Variants in EDEM2 observed in about 807,000 individuals in gnomAD.
EDEM2 encodes ER degradation-enhancing alpha-mannosidase-like protein 2.
EDEM2 carries 39 observed loss-of-function variants against 64.8 expected under a neutral mutation model. The ratio of observed to expected loss-of-function variants is 0.60; its 90% CI spans 0.47 to 0.79. EDEM2 has a LOEUF of 0.79. EDEM2 is among the 30% of genes least tolerant of loss of function. EDEM2 has a pLI of 0.00. For missense variants in EDEM2, 609 were observed against 731.3 expected (o/e 0.83, Z 1.93); for synonymous variants, 296 against 291.5 (o/e 1.02, Z -0.16).
At position 35,115,768 on chromosome 20, in the gene EDEM2, C is replaced by T. The variant is rs776054379; in HGVS notation, c.1402G>A (p.Ala468Thr). 6.2e-7 allele frequency: 1 copy of T among 1,614,202 alleles called. No homozygotes were observed. The highest frequency in any genetic ancestry group is 8.5e-7 in the Non-Finnish European group (1 of 1,180,028). ...ITPYGECILG[A>T]GGYIFNTEAH... ...TCTGTGTTGAAGATGTACCCCCCAGCCCCCAGGATGCACTCCCCATAGGGG... is the reference window on the plus strand; with the variant it reads ...TCTGTGTTGAAGATGTACCCCCCAGTCCCCAGGATGCACTCCCCATAGGGG... Residue 468 changes from alanine (A) to threonine (T), a missense_variant, in exon 11 of 11, where the codon GCT becomes ACT. Coordinates refer to ENST00000374492, the MANE Select transcript of EDEM2 (RefSeq NM_018217.3).
intron 5 of EDEM2, among the ~76,000 whole-genome samples, chr20:35,137,248 T>C (rs1161303041): frequency 2.0e-5 from 3 of 152,000 alleles, no homozygotes; most frequent in South Asian, 4.2e-4. Context: ...CGAAACTTCA[T>C]CTCTACTAAA....
At chr20:35,128,196 C>G (rs1247325280) in intron 7 of EDEM2, among the ~76,000 whole-genome samples, 4 of 151,942 alleles carry the variant, frequency 2.6e-5, no homozygotes, top group Non-Finnish European at 5.9e-5. Context: ...TCCTGCCTAA[C>G]ACGGTGAAAC....
intron 7 of EDEM2, among the ~76,000 whole-genome samples, chr20:35,128,239 T>C (rs995774779): frequency 1.3e-5 from 2 of 151,582 alleles, no homozygotes; most frequent in Non-Finnish European, 1.5e-5. Context: ...AAAAATTAGC[T>C]GGGTGTGGTG....
Position 35,137,961 on chromosome 20 carries a change from C to T in EDEM2, c.409G>A (p.Gly137Arg). Residue 137 changes from glycine (G) to arginine (R), a missense_variant, in exon 5 of 11, where the codon GGG becomes AGG. Physicochemically the swap from Gly to Arg is moderately radical, Grantham distance 125. Coordinates refer to ENST00000374492, the MANE Select transcript of EDEM2 (RefSeq NM_018217.3). ...GGCCATCCAGCCTCTACTTCCACCC[C>T]AGCCTTCTTGGAGAGCAGATGAGCA... ...LSAHLLSKKA[G>R]VEVEAGWPCS... 1 of 1,614,228 alleles carries T rather than the reference C, an allele frequency of 6.2e-7. No homozygotes were observed. Among genetic ancestry groups the T allele is most frequent in the East Asian group, 2.2e-5 (1 of 44,880 alleles).
chr20:35,118,795 G>C, intron 9 of EDEM2, 76 bp from the exon 10 acceptor site: 1 of 1,580,700 alleles, frequency 6.3e-7, no homozygotes, highest in Non-Finnish European at 8.6e-7. Context: ...GGCCGTGAGG[G>C]ACTACTCCCC....
At chr20:35,133,129 C>A (rs1344458518) in intron 6 of EDEM2, among the ~76,000 whole-genome samples, 1 of 151,744 alleles carries the variant, frequency 6.6e-6, no homozygotes, top group Non-Finnish European at 1.5e-5. Context: ...CAGTGTAGAG[C>A]TCCAGCTTCG....
chr20:35,129,584 A>G (rs1468475360), intron 7 of EDEM2, among the ~76,000 whole-genome samples: 1 of 151,996 alleles, frequency 6.6e-6, no homozygotes, highest in Admixed American at 6.6e-5. Flanking sequence ...AAAAAAAAAA[A>G]AATTTATTAC....
intron 6 of EDEM2, among the ~76,000 whole-genome samples, chr20:35,134,336 T>C (rs963268122): frequency 6.6e-6 from 1 of 152,212 alleles, no homozygotes; most frequent in Admixed American, 6.5e-5. Context: ...ACTCATTTTT[T>C]CATGCAACTG....
At chr20:35,142,333 A>T (rs920436570) in intron 4 of EDEM2, 40 bp downstream of exon 4, 1 of 1,527,420 alleles carries the variant, frequency 6.5e-7, no homozygotes. Flanking sequence ...GCAACTTCAC[A>T]CTCTTTTTTC....
chr20:35,147,168 C>G lies in EDEM2; in HGVS notation c.91G>C (p.Asp31His). The G allele has an allele frequency of 6.2e-7, 1 of 1,602,418 alleles. No homozygotes were observed. The highest frequency in any genetic ancestry group is 8.5e-7 in the Non-Finnish European group (1 of 1,173,282). Residue 31 changes from aspartate (D) to histidine (H), a missense_variant, in exon 1 of 11, where the codon GAT becomes CAT. Transcript: ENST00000374492. ...GAPGPDGSAPDPAHYRERVKA... is the reference protein window; with the variant it reads ...GAPGPDGSAPHPAHYRERVKA... ...ACAGTTCACCTGTAGTGGGCGGGAT[C>G]TGGCGCGGAGCCGTCGGGACCTGGC...
At chr20:35,131,907 A>G in intron 6 of EDEM2, 124 bp from the exon 7 acceptor site, 2 of 1,173,002 alleles carry the variant, frequency 1.7e-6, no homozygotes, top group Non-Finnish European at 2.4e-6. Flanking sequence ...CTTGGGAAAC[A>G]TGCAGACCCT....
At chr20:35,125,395 A>T (rs1569176480) in intron 8 of EDEM2, among the ~76,000 whole-genome samples, 1 of 150,628 alleles carries the variant, frequency 6.6e-6, no homozygotes, top group African/African-American at 2.4e-5. Flanking sequence ...ATTTATTTTT[A>T]TTTTTTTGAG....
chr20:35,119,710 T>C (rs1308532016), intron 9 of EDEM2, among the ~76,000 whole-genome samples: 1 of 152,228 alleles, frequency 6.6e-6, no homozygotes, highest in Non-Finnish European at 1.5e-5. Context: ...TCTTGCCCAA[T>C]TCTATGCCAC....
Position 35,115,460 on chromosome 20 carries a change from C to A in EDEM2, c.1710G>T (p.Leu570=). 1 of 1,613,874 alleles carries A rather than the reference C, an allele frequency of 6.2e-7. No homozygotes were observed. The highest frequency in any genetic ancestry group is 1.1e-5 in the South Asian group (1 of 91,080). Residue 570 remains leucine (L), a synonymous_variant, in exon 11 of 11, where the codon CTG becomes CTT. Transcript: ENST00000374492. ...ATGAGGAGTCTAGGAAAACCTGTCC[C>A]AGTAATGCCAACTTGGAGGTGAAGG... is the stretch of plus-strand genomic sequence containing the variant. ...SQPFTSKLAL[L]GQVFLDSS
intron 5 of EDEM2, 51 bp from the exon 6 acceptor site, chr20:35,135,000 A>T: frequency 6.3e-7 from 1 of 1,576,002 alleles, no homozygotes. Context: ...GGATAGGGAT[A>T]GTTCTGATAC....
intron 4 of EDEM2, among the ~76,000 whole-genome samples, chr20:35,141,463 A>T (rs2085652828): frequency 6.6e-6 from 1 of 152,240 alleles, no homozygotes; most frequent in Non-Finnish European, 1.5e-5. Flanking sequence ...CAGCAAGTAC[A>T]GCCTCAAACT....
intron 2 of EDEM2, among the ~76,000 whole-genome samples, chr20:35,146,002 C>CAA (rs138113879): frequency 5.3e-3 from 430 of 81,164 alleles, no homozygotes; most frequent in East Asian, 0.011. Flanking sequence ...AACTCCATCT[C>CAA]AAAAAAAAAA....
chr20:35,134,610 C>A (rs956762186), intron 6 of EDEM2, 128 bp downstream of exon 6: 12 of 1,056,810 alleles, frequency 1.1e-5, no homozygotes, highest in African/African-American at 1.6e-5. Context: ...TTTTTGGTGT[C>A]CTGAGCCCAA....
intron 5 of EDEM2, among the ~76,000 whole-genome samples, chr20:35,135,277 C>A (rs1323543550): frequency 6.6e-6 from 1 of 152,190 alleles, no homozygotes; most frequent in Admixed American, 6.5e-5. Flanking sequence ...AAAGCCCAGG[C>A]AGGTAACTTA....
Sources: gnomAD v4.1 joint callset for allele counts (sites outside exome capture counted in the v4.1 genomes callset) on GRCh38, gnomAD v4.1.1 for gene constraint, MANE v1.5 for transcripts, NCBI Gene and HGNC (gene_info 2026-07-23, HGNC 2026-07-21) for gene names.